The following SLC5A10 variants were observed in gnomAD, a reference collection of about 807,000 sequenced individuals.
SLC5A10 encodes solute carrier family 5 member 10.
A neutral mutation model predicts 68.9 loss-of-function variants in SLC5A10; 55 were observed. That is an observed-to-expected ratio of 0.80 (90% CI 0.64 to 1.00). The LOEUF (loss-of-function observed/expected upper bound fraction) is 1.00. SLC5A10 is among the 50% of genes least tolerant of loss of function. The pLI, the probability that SLC5A10 is intolerant of heterozygous loss-of-function variation, is 0.00. For missense variants in SLC5A10, 732 were observed against 819.3 expected, an observed-to-expected ratio of 0.89 and a Z score of 1.30; for synonymous variants, 344 against 344.8, an observed-to-expected ratio of 1.00 and a Z score of 0.02.
chr17:19,020,039 C>T (rs1162644715), intron 13 of SLC5A10, 111 bp downstream of exon 13: 1 of 1,434,528 alleles, frequency 7.0e-7, no homozygotes, highest in African/African-American at 1.4e-5. Context: ...ACTACCTAGC[C>T]CCGTCCCTTT....
At chr17:18,992,841 C>T (rs931871671) in intron 9 of SLC5A10, among the ~76,000 whole-genome samples, 11 of 152,110 alleles carry the variant, frequency 7.2e-5, no homozygotes, top group African/African-American at 2.2e-4. Context: ...CATCTCATTG[C>T]GCCCACAGGT....
Position 19,017,217 on chromosome 17 carries a change from G to C in SLC5A10, c.1241+2018G>C. 1 of 1,410,616 alleles carries C rather than the reference G, an allele frequency of 7.1e-7. No homozygotes were observed. The highest frequency in any genetic ancestry group is 9.8e-7 in the Non-Finnish European group (1 of 1,021,116). The allele number at this position is 1,410,616 out of a possible 1,614,324, so 87.4% of individuals were successfully genotyped here. On this transcript the variant is annotated intron_variant, in intron 11 of 14. Coordinates refer to ENST00000395645, the MANE Select transcript of SLC5A10 (RefSeq NM_001042450.4). This position sits in a 1 kb window ranked among gnomAD's most constrained non-coding sequence, Gnocchi z 5.6. ...CCCCAGTTCTCTCAGCTGCCAGCTG[G>C]ATAGAGCAGAAAGGGCCCCGTGCCA...
rs1371135800 is a variant in SLC5A10, at chr17:18,996,395, A to C, written c.983-17015A>C. The stretch of plus-strand genomic sequence containing the variant: ...TCCCCTCCAGGGGGCTGGCAGAATT[A>C]GTGACATGCCATCTGAAGAGGCCCA... On this transcript the variant is annotated intron_variant, in intron 9 of 14. Coordinates refer to ENST00000395645, the MANE Select transcript of SLC5A10 (RefSeq NM_001042450.4). The surrounding 1 kb of genome is among the most constrained non-coding windows in gnomAD (Gnocchi z 4.4). Among the ~76,000 whole-genome samples, 1 of 151,972 alleles carries C rather than the reference A, an allele frequency of 6.6e-6. No homozygotes were observed. The highest frequency in any genetic ancestry group is 1.5e-5 in the Non-Finnish European group (1 of 67,996).
At chr17:18,980,733 A>G (rs1045371890) in intron 9 of SLC5A10, among the ~76,000 whole-genome samples, 4 of 152,138 alleles carry the variant, frequency 2.6e-5, no homozygotes, top group African/African-American at 9.7e-5. Context: ...ATCCCGAAGT[A>G]GAATCACAGG....
intron 8 of SLC5A10, 162 bp from the exon 9 acceptor site, chr17:18,976,692 C>T (rs1300144251): frequency 6.7e-6 from 6 of 902,108 alleles, no homozygotes; most frequent in Non-Finnish European, 9.9e-6. Context: ...CCTGGTGGGA[C>T]CCTGACAGTA....
intron 9 of SLC5A10, among the ~76,000 whole-genome samples, chr17:18,999,167 A>G (rs555754676): frequency 1.3e-5 from 2 of 152,152 alleles, no homozygotes; most frequent in South Asian, 4.1e-4. Flanking sequence ...AATTCCAGCT[A>G]CTCAGGAGGC....
chr17:18,954,730 T>C (rs1477200915), intron 1 of SLC5A10, among the ~76,000 whole-genome samples: 1 of 152,156 alleles, frequency 6.6e-6, no homozygotes, highest in Non-Finnish European at 1.5e-5. Flanking sequence ...TTCATTAAAG[T>C]ATCTGTTAAC....
At position 18,971,881 on chromosome 17, in the gene SLC5A10, G is replaced by A. The variant is rs2042865500; in HGVS notation, c.846+663G>A. On this transcript the variant is annotated intron_variant, in intron 8 of 14. Transcript: ENST00000395645. The surrounding 1 kb of genome is among the most constrained non-coding windows in gnomAD (Gnocchi z 5.5). Reference sequence around the variant, plus strand: ...TGGCTCTGCCATTCACCAGGGAGTGGGCCTAGACCAGTTGGTTTAGTCACT... The same window carrying A: ...TGGCTCTGCCATTCACCAGGGAGTGAGCCTAGACCAGTTGGTTTAGTCACT... 4 of 916,460 alleles carry A rather than the reference G, an allele frequency of 4.4e-6. No individual in the cohort carries two copies. The highest frequency in any genetic ancestry group is 2.7e-5 in the East Asian group (1 of 37,596). The allele number at this position is 916,460 out of a possible 1,614,324, so 56.8% of individuals were successfully genotyped here. A position where few individuals can be genotyped will look rare whatever the true frequency, so the allele number is the denominator to read the frequency against.
At chr17:18,957,863 C>T (rs2042535472) in intron 1 of SLC5A10, among the ~76,000 whole-genome samples, 1 of 152,252 alleles carries the variant, frequency 6.6e-6, no homozygotes, top group African/African-American at 2.4e-5. Flanking sequence ...TTCATCCTGT[C>T]CCCATCAAAG....
chr17:19,006,142 G>A (rs879335231), intron 9 of SLC5A10, among the ~76,000 whole-genome samples: 1 of 152,216 alleles, frequency 6.6e-6, no homozygotes, highest in African/African-American at 2.4e-5. Flanking sequence ...TTCCCCAGTA[G>A]CGACGTTTTG....
chr17:18,960,942 G>T (rs1402912628), intron 5 of SLC5A10, among the ~76,000 whole-genome samples: 1 of 152,094 alleles, frequency 6.6e-6, no homozygotes, highest in African/African-American at 2.4e-5. Flanking sequence ...GACGGTTCTC[G>T]GTCTGAGGTC....
chr17:19,011,642 G>A (rs2152151365), intron 9 of SLC5A10, among the ~76,000 whole-genome samples: 1 of 152,156 alleles, frequency 6.6e-6, no homozygotes, highest in Admixed American at 6.5e-5. Context: ...CCCCAGACGG[G>A]AGGGGGAAGA....
intron 9 of SLC5A10, among the ~76,000 whole-genome samples, chr17:18,980,977 TAGTC>T (rs1452376866): frequency 2.0e-5 from 3 of 152,156 alleles, no homozygotes; most frequent in Admixed American, 1.3e-4. Flanking sequence ...GACGTGTTCT[TAGTC>T]AGGCTGAGCT....
At chr17:18,976,798 C>T in intron 8 of SLC5A10, 56 bp from the exon 9 acceptor site, 6 of 1,598,622 alleles carry the variant, frequency 3.8e-6, no homozygotes, top group Non-Finnish European at 5.1e-6. Flanking sequence ...AAGGACCAAT[C>T]CTGACACAAG....
intron 8 of SLC5A10, among the ~76,000 whole-genome samples, chr17:18,975,526 C>T (rs997305106): frequency 6.6e-6 from 1 of 151,906 alleles, no homozygotes; most frequent in Non-Finnish European, 1.5e-5. Flanking sequence ...CCCATCTCTA[C>T]TAAAAATACA....
rs1439481395 is a variant in SLC5A10 at position 18,996,279 on chromosome 17, C to G, written c.983-17131C>G. 6.6e-6 allele frequency among the ~76,000 whole-genome samples: 1 copy of G among 152,140 alleles called. No individual in the cohort carries two copies. The highest frequency in any genetic ancestry group is 1.5e-5 in the Non-Finnish European group (1 of 68,018). ...CCGCACTCCCTCCTCCAGCTGCAAC[C>G]CCCTCCTCCAGCAGCACGGTTGGGA... On this transcript the variant is annotated intron_variant, in intron 9 of 14. Coordinates refer to ENST00000395645, the MANE Select transcript of SLC5A10 (RefSeq NM_001042450.4). The surrounding 1 kb of genome is among the most constrained non-coding windows in gnomAD (Gnocchi z 4.4).
rs572432942 is a variant in SLC5A10, at chr17:19,021,517, C to T, written c.*1086C>T. 1.4e-5 allele frequency: 4 copies of T among 287,760 alleles called. No individual in the cohort carries two copies. In the East Asian group the frequency reaches 2.3e-4, roughly 16 times the overall value. The allele number at this position is 287,760 out of a possible 1,614,324, so 17.8% of individuals were successfully genotyped here. A position where few individuals can be genotyped will look rare whatever the true frequency, so the allele number is the denominator to read the frequency against. On this transcript the variant is annotated 3_prime_UTR_variant, in exon 15 of 15. Transcript: ENST00000395645. The surrounding 1 kb of genome is among the most constrained non-coding windows in gnomAD (Gnocchi z 4.1). ...CACCTCCCAACAGCCTGAACAACTC[C>T]AGGGGCCTTTTGAGGGAGGGGCAGG...
intron 9 of SLC5A10, among the ~76,000 whole-genome samples, chr17:19,011,977 C>A (rs965556690): frequency 6.6e-6 from 1 of 151,984 alleles, no homozygotes; most frequent in African/African-American, 2.4e-5. Flanking sequence ...CAATGCCAGC[C>A]GCCCCTGCTG....
intron 5 of SLC5A10, among the ~76,000 whole-genome samples, chr17:18,961,598 C>T (rs1434309917): frequency 6.6e-6 from 1 of 152,216 alleles, no homozygotes; most frequent in Non-Finnish European, 1.5e-5. Context: ...TCATTCAGTC[C>T]TGGGACTAGG....
Sources: allele counts gnomAD v4.1 joint callset (sites outside exome capture counted in the v4.1 genomes callset), GRCh38; gene constraint gnomAD v4.1.1; non-coding constraint Gnocchi (gnomAD v3.1); transcripts MANE v1.5; gene names NCBI Gene and HGNC (gene_info 2026-07-23, HGNC 2026-07-21).